Variants in ROBO2 observed in about 807,000 individuals in gnomAD.
The protein encoded by ROBO2 is roundabout guidance receptor 2.
A neutral mutation model predicts 160.8 loss-of-function variants in ROBO2; 53 were observed. The ratio of observed to expected loss-of-function variants is 0.33; its 90% confidence interval spans 0.26 to 0.41. ROBO2 has a LOEUF of 0.41. Ranked by LOEUF, ROBO2 falls within the 10% of genes least tolerant of loss-of-function variation. The pLI is 1.00. For synonymous variants in ROBO2, 664 were observed against 611.7 expected (o/e 1.09, Z -1.26); for missense variants, 1,577 against 1,722.4 (o/e 0.92, Z 1.49).
At chr3:75,982,500 G>C (rs1353851034) in intron 2 of ROBO2, among the ~76,000 whole-genome samples, 1 of 151,374 alleles carries the variant, frequency 6.6e-6, no homozygotes, top group Non-Finnish European at 1.5e-5. Flanking sequence ...TTGTAGTTTT[G>C]GTTTGCATTT....
chr3:76,253,876 A>G (rs2107564973), intron 2 of ROBO2, among the ~76,000 whole-genome samples: 1 of 151,972 alleles, frequency 6.6e-6, no homozygotes, highest in East Asian at 2.0e-4. Flanking sequence ...TACATGCTTC[A>G]CTCTCAGGAG....
intron 2 of ROBO2, among the ~76,000 whole-genome samples, chr3:76,531,687 C>A (rs1447785): frequency 2.1e-5 from 3 of 143,808 alleles, no homozygotes; most frequent in African/African-American, 7.7e-5. Context: ...CAACAGTAAT[C>A]CAATGAAGTT....
chr3:76,736,119 TA>T (rs1435100452), intron 2 of ROBO2, among the ~76,000 whole-genome samples: 1 of 151,106 alleles, frequency 6.6e-6, no homozygotes, highest in Non-Finnish European at 1.5e-5. Context: ...CCGTCTCTAC[TA>T]AAAATACAAA....
intron 2 of ROBO2, among the ~76,000 whole-genome samples, chr3:76,990,963 G>A (rs2060633794): frequency 6.6e-6 from 1 of 152,136 alleles, no homozygotes; most frequent in Non-Finnish European, 1.5e-5. Context: ...GGAAGAATTA[G>A]GGGAGAAGGG....
chr3:76,223,612 A>C (rs1055071643), intron 2 of ROBO2, among the ~76,000 whole-genome samples: 7 of 152,146 alleles, frequency 4.6e-5, no homozygotes, highest in Admixed American at 3.9e-4. Flanking sequence ...TTAACAGTAC[A>C]CATCCTTCAA....
At chr3:77,633,926 T>G (rs1165063474) in intron 23 of ROBO2, 3 of 152,220 alleles carry the variant, frequency 2.0e-5, no homozygotes, top group Non-Finnish European at 4.4e-5. Flanking sequence ...GCATGTATGC[T>G]AATAGCTAAC....
chr3:76,538,258 C>T (rs1028279996), intron 2 of ROBO2, among the ~76,000 whole-genome samples: 4 of 152,064 alleles, frequency 2.6e-5, no homozygotes, highest in African/African-American at 9.6e-5. Context: ...TAACTGTGTA[C>T]AAACTCAAAG....
At chr3:77,075,617 A>C (rs920205069) in intron 1 of ROBO2, among the ~76,000 whole-genome samples, 3 of 137,384 alleles carry the variant, frequency 2.2e-5, no homozygotes, top group African/African-American at 8.3e-5. Flanking sequence ...AAAATATGCT[A>C]TTTTTTTATA....
intron 2 of ROBO2, among the ~76,000 whole-genome samples, chr3:77,114,515 T>C (rs972284215): frequency 6.6e-6 from 1 of 152,186 alleles, no homozygotes; most frequent in African/African-American, 2.4e-5. Context: ...TCCTTAATCT[T>C]ACATGTCTTG....
chr3:76,966,747 T>C (rs2059315200), intron 2 of ROBO2, among the ~76,000 whole-genome samples: 1 of 152,188 alleles, frequency 6.6e-6, no homozygotes, highest in Non-Finnish European at 1.5e-5. Context: ...ATAATAGAAC[T>C]TCCATCTTGG....
chr3:76,493,698 A>G lies in ROBO2; in HGVS notation c.109+556096A>G, dbSNP rs1024372950. The stretch of plus-strand genomic sequence containing the variant: ...TACTATCGATTTCCGTTCCCAAGCT[A>G]GTAAAGCTGTTGGAGCACAGCCTTC... On this transcript the variant is annotated intron_variant, in intron 2 of 26. Coordinates refer to the ROBO2 transcript ENST00000487694. Among the ~76,000 whole-genome samples the G allele has an allele frequency of 5.9e-5, 9 of 152,192 alleles. No individual in the cohort carries two copies. In the East Asian group the frequency reaches 1.7e-3, roughly 29 times the overall value.
chr3:75,912,007 C>G (rs551635351), intron 1 of ROBO2, among the ~76,000 whole-genome samples: 85 of 152,326 alleles, frequency 5.6e-4, no homozygotes, highest in African/African-American at 1.5e-3. Context: ...CCATATATTA[C>G]TATGGAGATA....
chr3:76,016,952 T>A (rs1404293544), intron 2 of ROBO2, among the ~76,000 whole-genome samples: 1 of 152,162 alleles, frequency 6.6e-6, no homozygotes, highest in African/African-American at 2.4e-5. Context: ...TGTGAGGCAC[T>A]TTGTATTAGA....
chr3:77,192,864 G>T (rs2081985902), intron 2 of ROBO2, among the ~76,000 whole-genome samples: 1 of 151,692 alleles, frequency 6.6e-6, no homozygotes, highest in Admixed American at 6.6e-5. Context: ...ATGTTGGCCA[G>T]GCTGGTCTCA....
intron 2 of ROBO2, among the ~76,000 whole-genome samples, chr3:77,114,441 G>A (rs1270733419): frequency 2.0e-5 from 3 of 151,934 alleles, no homozygotes; most frequent in Non-Finnish European, 4.4e-5. Flanking sequence ...TATTTTTATA[G>A]CATTTCTTTA....
intron 2 of ROBO2, among the ~76,000 whole-genome samples, chr3:76,160,210 G>A (rs13434344): frequency 0.046 from 6,990 of 151,958 alleles, 368 homozygotes; most frequent in East Asian, 0.22. Context: ...GGTTACTTTC[G>A]TCTCTCGGTA....
chr3:76,535,617 C>A (rs1003615938), intron 2 of ROBO2, among the ~76,000 whole-genome samples: 2 of 152,006 alleles, frequency 1.3e-5, no homozygotes, highest in African/African-American at 4.8e-5. Context: ...TTTAAAATGT[C>A]TCGGCCTAAT....
intron 20 of ROBO2, 59 bp downstream of exon 21, chr3:77,602,550 A>G: frequency 6.3e-7 from 1 of 1,582,952 alleles, no homozygotes; most frequent in Non-Finnish European, 8.7e-7. Context: ...CATGAGATAG[A>G]AATTAGTATT....
At chr3:76,485,645 A>C (rs764939782) in intron 2 of ROBO2, among the ~76,000 whole-genome samples, 3 of 152,154 alleles carry the variant, frequency 2.0e-5, no homozygotes, top group Non-Finnish European at 4.4e-5. Context: ...TTCAGAGCAA[A>C]GGCTATACAT....
Sources: gnomAD v4.1 joint callset for allele counts (sites outside exome capture counted in the v4.1 genomes callset) on GRCh38, gnomAD v4.1.1 for gene constraint, MANE v1.5 for transcripts, NCBI Gene and HGNC (gene_info 2026-07-23, HGNC 2026-07-21) for gene names.